Variants in SCAMP1 observed in about 807,000 individuals in gnomAD.
SCAMP1 encodes secretory carrier-associated membrane protein 1.
A neutral mutation model predicts 41.8 loss-of-function variants in SCAMP1; 15 were observed. The ratio of observed to expected loss-of-function variants is 0.36; its 90% CI spans 0.24 to 0.55. The LOEUF (loss-of-function observed/expected upper bound fraction) is 0.55, where lower values mean the gene tolerates loss of function less well. Among genes scored for constraint, SCAMP1 ranks in the 20% least tolerant of loss-of-function variants. SCAMP1 has a pLI of 0.86. For missense variants in SCAMP1, 341 were observed against 412.6 expected (o/e 0.83, Z 1.50); for synonymous variants, 135 against 136.8 (o/e 0.99, Z 0.09).
Position 78,408,546 on chromosome 5 carries a change from G to A in SCAMP1, c.136-6974G>A, listed in dbSNP as rs1580671518. On this transcript the variant is annotated intron_variant, in intron 2 of 8. Transcript: ENST00000621999. ...GGATGTTGGATTATCTTGTCCATGTGGGTAGTGGAATTCTGACCTGAGATC... is the reference window on the plus strand; with the variant it reads ...GGATGTTGGATTATCTTGTCCATGTAGGTAGTGGAATTCTGACCTGAGATC... Among the ~76,000 whole-genome samples, 4 of 152,226 alleles carry A rather than the reference G, an allele frequency of 2.6e-5. No individual in the cohort carries two copies. In the East Asian group the frequency reaches 7.7e-4, roughly 29 times the overall value.
intron 1 of SCAMP1, among the ~76,000 whole-genome samples, chr5:78,379,562 C>T (rs1412614758): frequency 6.6e-6 from 1 of 152,148 alleles, no homozygotes; most frequent in African/African-American, 2.4e-5. Flanking sequence ...ATCAAATTGC[C>T]TGTTAACTTC....
In SCAMP1 at chr5:78,409,297, T is replaced by A. The variant is rs141984965; in HGVS notation, c.136-6223T>A. Among the ~76,000 whole-genome samples the A allele has an allele frequency of 3.5e-3, 532 of 152,318 alleles. 3 individuals carry two copies. Among genetic ancestry groups the A allele is most frequent in the African/African-American group, 0.012 (486 of 41,566 alleles). On this transcript the variant is annotated intron_variant, in intron 2 of 8. Transcript: ENST00000621999. ...TTAAATAAAATTTGGTCTAGTATTT[T>A]AGGTATTATGTACTAGAAGGGGATC...
intron 6 of SCAMP1, among the ~76,000 whole-genome samples, chr5:78,425,365 G>C (rs375618263): frequency 1.3e-5 from 2 of 152,108 alleles, no homozygotes; most frequent in Non-Finnish European, 2.9e-5. Flanking sequence ...TGAAGCACTG[G>C]TATGTTTCCA....
chr5:78,443,130 A>G (rs542446850), intron 6 of SCAMP1, among the ~76,000 whole-genome samples: 2 of 148,312 alleles, frequency 1.3e-5, no homozygotes, highest in African/African-American at 5.0e-5. Context: ...GGAGAATGGC[A>G]TGAACCCTGG....
At chr5:78,377,047 C>G (rs1267193787) in intron 1 of SCAMP1, among the ~76,000 whole-genome samples, 2 of 152,074 alleles carry the variant, frequency 1.3e-5, no homozygotes, top group Non-Finnish European at 2.9e-5. Context: ...TCCTTCCCTC[C>G]TCTTTTTTGC....
chr5:78,369,619 C>A lies in SCAMP1; in HGVS notation c.57+8891C>A, dbSNP rs955471644. 2.6e-5 allele frequency among the ~76,000 whole-genome samples: 4 copies of A among 152,124 alleles called. 1 individual carries two copies. The highest frequency in any genetic ancestry group is 2.6e-4 in the Admixed American group (4 of 15,280). ...ACATGCTGTTGGGAAAATGGTGCTG[C>A]GAGACTTGCTTGATGCAGGGTTGCC... On this transcript the variant is annotated intron_variant, in intron 1 of 8. Coordinates refer to ENST00000621999, the MANE Select transcript of SCAMP1 (RefSeq NM_004866.6).
intron 8 of SCAMP1, among the ~76,000 whole-genome samples, chr5:78,467,386 C>G (rs1753774336): frequency 1.3e-5 from 2 of 152,280 alleles, no homozygotes; most frequent in South Asian, 4.1e-4. Context: ...CTATAATGAA[C>G]TACTCTGTGC....
At chr5:78,468,521 T>C (rs2112248598) in intron 8 of SCAMP1, among the ~76,000 whole-genome samples, 1 of 152,302 alleles carries the variant, frequency 6.6e-6, no homozygotes, top group African/African-American at 2.4e-5. Context: ...AATATGGAAG[T>C]AATTAATAGA....
chr5:78,431,360 T>G (rs539506413), intron 6 of SCAMP1, among the ~76,000 whole-genome samples: 1 of 151,884 alleles, frequency 6.6e-6, no homozygotes, highest in South Asian at 2.1e-4. Context: ...AAAAAGCTAC[T>G]TTATATATGA....
chr5:78,473,984 C>T (rs369720346), intron 8 of SCAMP1, among the ~76,000 whole-genome samples: 98 of 151,840 alleles, frequency 6.5e-4, no homozygotes, highest in African/African-American at 2.4e-3. Context: ...CTCAGGGGGG[C>T]CAACTTCCTG....
At chr5:78,441,634 C>T (rs75876243) in intron 6 of SCAMP1, among the ~76,000 whole-genome samples, 3,423 of 152,174 alleles carry the variant, frequency 0.022, 58 homozygotes, top group South Asian at 0.035. Context: ...ACCAATGTGG[C>T]AAAACCCCGT....
intron 6 of SCAMP1, among the ~76,000 whole-genome samples, chr5:78,436,793 G>A (rs1478605656): frequency 2.0e-5 from 3 of 152,112 alleles, no homozygotes; most frequent in Non-Finnish European, 4.4e-5. Flanking sequence ...GGATGGCATT[G>A]AATGTATAAA....
intron 8 of SCAMP1, among the ~76,000 whole-genome samples, chr5:78,473,247 T>G (rs961235143): frequency 6.6e-6 from 1 of 152,170 alleles, no homozygotes. Context: ...CTTTTACCAC[T>G]GTATCAGAAG....
intron 1 of SCAMP1, among the ~76,000 whole-genome samples, chr5:78,377,602 C>A (rs1177424790): frequency 3.3e-5 from 5 of 152,154 alleles, no homozygotes; most frequent in African/African-American, 1.2e-4. Context: ...CAAAGAACTG[C>A]TTCTGGTTGC....
chr5:78,374,161 T>C (rs1321190669), intron 1 of SCAMP1, among the ~76,000 whole-genome samples: 6 of 152,098 alleles, frequency 3.9e-5, no homozygotes, highest in African/African-American at 1.4e-4. Flanking sequence ...TTGGGAGATA[T>C]AATGTGTGAT....
chr5:78,459,850 A>C (rs1032741941), intron 8 of SCAMP1, among the ~76,000 whole-genome samples: 23 of 152,094 alleles, frequency 1.5e-4, no homozygotes. Context: ...TTGGGCTTCT[A>C]TTGAACCCAT....
intron 2 of SCAMP1, among the ~76,000 whole-genome samples, chr5:78,393,094 C>T (rs533761493): frequency 3.5e-4 from 54 of 152,180 alleles, no homozygotes; most frequent in Middle Eastern, 3.4e-3. Context: ...AAATTGTTTT[C>T]TTCTGTACTT....
intron 7 of SCAMP1, among the ~76,000 whole-genome samples, chr5:78,453,620 G>A (rs1424582565): frequency 2.6e-5 from 4 of 152,012 alleles, no homozygotes; most frequent in African/African-American, 9.7e-5. Flanking sequence ...CAGGTAGTGT[G>A]ATGCCTCCAG....
At chr5:78,447,548 C>T (rs1273840183) in intron 6 of SCAMP1, among the ~76,000 whole-genome samples, 1 of 151,516 alleles carries the variant, frequency 6.6e-6, no homozygotes, top group African/African-American at 2.4e-5. Context: ...ATTGGATAAC[C>T]ATATGCAAAA....
Sources: gnomAD v4.1 joint callset for allele counts (sites outside exome capture counted in the v4.1 genomes callset) on GRCh38, gnomAD v4.1.1 for gene constraint, MANE v1.5 for transcripts, NCBI Gene and HGNC (gene_info 2026-07-23, HGNC 2026-07-21) for gene names.